The following C1orf116 variants were observed in gnomAD, a reference collection of about 807,000 sequenced individuals.
C1orf116 encodes specifically androgen-regulated gene protein.
Under a neutral mutation model 14.1 loss-of-function variants are expected in C1orf116, and 12 were observed. The observed-to-expected ratio is 0.85, with a 90% confidence interval of 0.54 to 1.38. The LOEUF (loss-of-function observed/expected upper bound fraction) is 1.38. C1orf116 is among the 40% of genes most tolerant of loss of function. C1orf116 has a pLI of 0.00. For synonymous variants in C1orf116, 296 were observed against 299.0 expected (o/e 0.99, Z 0.10); for missense variants, 797 against 747.0 (o/e 1.07, Z -0.78).
At chr1:207,025,207 G>C in intron 2 of C1orf116, 143 bp from the exon 3 acceptor site, 1 of 639,008 alleles carries the variant, frequency 1.6e-6, no homozygotes, top group Non-Finnish European at 2.7e-6. Flanking sequence ...AGAGAGGAAG[G>C]AATGCTGAAG....
rs12049200 is a variant in C1orf116, at chr1:207,020,259, A to C, written c.*1699T>G. ...AACGTACACAGAAACCGCCACACCC[A>C]CACCTCACATACCATGACAGGGTGG... On this transcript the variant is annotated 3_prime_UTR_variant, in exon 4 of 4. Transcript: ENST00000359470. 6.6e-6 allele frequency: 1 copy of C among 152,334 alleles called. No individual in the cohort carries two copies. Among genetic ancestry groups the C allele is most frequent in the East Asian group, 1.9e-4 (1 of 5,186 alleles). 9.4% of individuals were successfully genotyped at this position (152,334 alleles called of 1,614,324 possible).
Position 207,023,273 on chromosome 1 carries a change from A to T in C1orf116, c.491T>A (p.Leu164His). ...SSHNPGEPGRLAPEPEKEQVS... is the reference protein window; with the variant it reads ...SSHNPGEPGRHAPEPEKEQVS... ...CTGTTCTTTCTCAGGCTCTGGCGCAAGCCTCCCCGGTTCTCCAGGGTTGTG... is the reference window on the plus strand; with the variant it reads ...CTGTTCTTTCTCAGGCTCTGGCGCATGCCTCCCCGGTTCTCCAGGGTTGTG... The change falls in exon 4 of 4, where the codon CTT becomes CAT. Residue 164 changes from leucine (L) to histidine (H), a missense_variant. Coordinates refer to ENST00000359470, the MANE Select transcript of C1orf116 (RefSeq NM_023938.6). The T allele has an allele frequency of 6.2e-7, 1 of 1,613,982 alleles. No individual in the cohort carries two copies. The highest frequency in any genetic ancestry group is 8.5e-7 in the Non-Finnish European group (1 of 1,179,894).
intron 3 of C1orf116, among the ~76,000 whole-genome samples, chr1:207,023,740 G>C (rs11120073): frequency 0.041 from 6,203 of 152,274 alleles, 403 homozygotes; most frequent in African/African-American, 0.14. Context: ...ACTTTGGGAG[G>C]CCAAAGCAAG....
At chr1:207,026,923 T>C (rs1161937161) in intron 2 of C1orf116, among the ~76,000 whole-genome samples, 1 of 152,246 alleles carries the variant, frequency 6.6e-6, no homozygotes, top group Non-Finnish European at 1.5e-5. Flanking sequence ...ATATGCTAGG[T>C]GCTTTACCTG....
In C1orf116 at chr1:207,021,844, A is replaced by T. The variant is rs1281748886; in HGVS notation, c.*114T>A. ...GAATATAAATGTATGCTTGGACTCAAATCTCTCCCTCCCATTCATCTTGAG... is the reference window on the plus strand; with the variant it reads ...GAATATAAATGTATGCTTGGACTCATATCTCTCCCTCCCATTCATCTTGAG... On this transcript the variant is annotated 3_prime_UTR_variant, in exon 4 of 4. Transcript: ENST00000359470. The T allele has an allele frequency of 3.7e-6, 4 of 1,082,098 alleles. No homozygotes were observed. In the East Asian group the frequency reaches 9.9e-5, roughly 27 times the overall value. 67.0% of individuals were successfully genotyped at this position (1,082,098 alleles called of 1,614,324 possible).
chr1:207,027,760 A>G (rs1682127303), intron 1 of C1orf116, 81 bp from the exon 2 acceptor site: 1 of 1,402,058 alleles, frequency 7.1e-7, no homozygotes. Flanking sequence ...CATGGCGGGA[A>G]GGACACCAAG....
In C1orf116 at chr1:207,024,951, C is replaced by G; in HGVS notation, c.219G>C (p.Glu73Asp). ...CTCTGGGAGTTGTGGCTGGCTCAGA[C>G]TCGTCAGTGGACAGTCCGCTGTCAG... ...TEADSGLSTD[E>D]SEPATTPRGF... is the part of the protein sequence containing the mutation. The change falls in exon 3 of 4, where the codon GAG (glutamate) becomes GAC (aspartate). Residue 73 changes from glutamate (E) to aspartate (D), a missense_variant. Coordinates refer to ENST00000359470, the MANE Select transcript of C1orf116 (RefSeq NM_023938.6). The G allele has an allele frequency of 6.2e-7, 1 of 1,614,102 alleles. No homozygotes were observed. The highest frequency in any genetic ancestry group is 8.5e-7 in the Non-Finnish European group (1 of 1,180,010).
chr1:207,028,780 T>G (rs1334835034), intron 1 of C1orf116, among the ~76,000 whole-genome samples: 1 of 152,194 alleles, frequency 6.6e-6, no homozygotes, highest in Non-Finnish European at 1.5e-5. Context: ...AGGCCAGAAG[T>G]GAGTCTGCTA....
At position 207,019,563 on chromosome 1, in the gene C1orf116, C is replaced by T. The variant is rs566801900; in HGVS notation, c.*2395G>A. 1 of 152,230 alleles carries T rather than the reference C, an allele frequency of 6.6e-6. No individual in the cohort carries two copies. Among genetic ancestry groups the T allele is most frequent in the African/African-American group, 2.4e-5 (1 of 41,454 alleles). 9.4% of individuals were successfully genotyped at this position (152,230 alleles called of 1,614,324 possible). Reference sequence around the variant, plus strand: ...ATACAATGACCTCAGCTCTGTCTAGCACCACTTTCAGGGAGGCGGATGTCC... The same window carrying T: ...ATACAATGACCTCAGCTCTGTCTAGTACCACTTTCAGGGAGGCGGATGTCC... On this transcript the variant is annotated 3_prime_UTR_variant, in exon 4 of 4. Coordinates refer to ENST00000359470, the MANE Select transcript of C1orf116 (RefSeq NM_023938.6).
chr1:207,021,395 ACGAATCAG>A lies in C1orf116; in HGVS notation c.*555_*562del, dbSNP rs1468903886. 1 of 152,612 alleles carries A rather than the reference ACGAATCAG, an allele frequency of 6.6e-6. No homozygotes were observed. Among genetic ancestry groups the A allele is most frequent in the East Asian group, 1.9e-4 (1 of 5,196 alleles). 9.5% of individuals were successfully genotyped at this position (152,612 alleles called of 1,614,324 possible). On this transcript the variant is annotated 3_prime_UTR_variant, in exon 4 of 4. Coordinates refer to ENST00000359470, the MANE Select transcript of C1orf116 (RefSeq NM_023938.6). ...TGAGAGGGCAGTGGGTGAAGAGATA[ACGAATCAG>A]CTCCTCTTAGCCCAGGCCTTGTCCA...
chr1:207,023,551 G>C (rs191886109), intron 3 of C1orf116, 71 bp from the exon 4 acceptor site: 14 of 1,502,182 alleles, frequency 9.3e-6, no homozygotes, highest in Non-Finnish European at 1.2e-5. Flanking sequence ...CCCTGCTGCA[G>C]AGGGGAAAGC....
At position 207,022,876 on chromosome 1, in the gene C1orf116, A is replaced by C. The variant is rs1206489634; in HGVS notation, c.888T>G (p.Pro296=). 6.2e-6 allele frequency: 10 copies of C among 1,614,012 alleles called. No individual in the cohort carries two copies. Among genetic ancestry groups the C allele is most frequent in the Non-Finnish European group, 8.5e-6 (10 of 1,179,968 alleles). Residue 296 remains proline (P), a synonymous_variant, in exon 4 of 4, where the codon CCT becomes CCG. Coordinates refer to ENST00000359470, the MANE Select transcript of C1orf116 (RefSeq NM_023938.6). ...PNSRLAPLTT[P]KPRKLPPNIV... ...TATTAGGTGGCAGCTTCCGGGGCTTAGGGGTTGTGAGGGGAGCTAGTCGGC... is the reference window on the plus strand; with the variant it reads ...TATTAGGTGGCAGCTTCCGGGGCTTCGGGGTTGTGAGGGGAGCTAGTCGGC...
intron 1 of C1orf116, among the ~76,000 whole-genome samples, chr1:207,030,696 C>G (rs1682217891): frequency 6.6e-6 from 1 of 152,154 alleles, no homozygotes. Context: ...AACCTTGGGG[C>G]TCTTTCAGGG....
intron 1 of C1orf116, 110 bp from the exon 2 acceptor site, chr1:207,027,789 G>C (rs544919915): frequency 4.7e-6 from 6 of 1,281,250 alleles, no homozygotes; most frequent in Admixed American, 5.6e-5. Flanking sequence ...GAGCTGGAAG[G>C]GGGGCATGAA....
chr1:207,025,175 C>A (rs961097575), intron 2 of C1orf116, 111 bp from the exon 3 acceptor site: 7 of 830,524 alleles, frequency 8.4e-6, no homozygotes, highest in Admixed American at 4.4e-5. Flanking sequence ...CAGAAACTGG[C>A]GGGGCCTGAG....
In C1orf116 at chr1:207,022,135, C is replaced by G. The variant is rs750797181; in HGVS notation, c.1629G>C (p.Gln543His). The G allele has an allele frequency of 5.0e-6, 8 of 1,612,736 alleles. No homozygotes were observed. Among genetic ancestry groups the G allele is most frequent in the Non-Finnish European group, 5.9e-6 (7 of 1,178,974 alleles). The change falls in exon 4 of 4, where the codon CAG becomes CAC. Residue 543 changes from glutamine to histidine, a missense_variant. Transcript: ENST00000359470. Reference protein sequence around the residue: ...LGTGKDFAGIQVGKLADLEQE... With the variant: ...LGTGKDFAGIHVGKLADLEQE... ...GCTCCAGGTCAGCCAGCTTGCCTACCTGGATACCTGCAAAATCTTTCCCCG... is the reference window on the plus strand; with the variant it reads ...GCTCCAGGTCAGCCAGCTTGCCTACGTGGATACCTGCAAAATCTTTCCCCG...
rs759650158 is a variant in C1orf116, at chr1:207,027,540, C to T, written c.59G>A (p.Gly20Asp). Reference protein sequence around the residue: ...GTGSEPVTRVGSCDSMMSSTS... With the variant: ...GTGSEPVTRVDSCDSMMSSTS... ...GCTGCTCATCATGCTGTCACAGCTG[C>T]CGACACGGGTCACGGGTTCTGAGCC... is the stretch of plus-strand genomic sequence containing the variant. Residue 20 changes from glycine to aspartate, a missense_variant, in exon 2 of 4, where the codon GGC becomes GAC. Coordinates refer to ENST00000359470, the MANE Select transcript of C1orf116 (RefSeq NM_023938.6). 1 of 1,613,842 alleles carries T rather than the reference C, an allele frequency of 6.2e-7. No individual in the cohort carries two copies. The highest frequency in any genetic ancestry group is 2.2e-5 in the East Asian group (1 of 44,884).
chr1:207,032,525 A>C, intron 1 of C1orf116, 54 bp downstream of exon 1: 1 of 979,780 alleles, frequency 1.0e-6, no homozygotes, highest in Non-Finnish European at 1.2e-6. Context: ...ATTTCCCATG[A>C]AACCCCTTCC....
intron 3 of C1orf116, among the ~76,000 whole-genome samples, chr1:207,023,882 C>T (rs954517406): frequency 1.2e-4 from 18 of 152,262 alleles, no homozygotes; most frequent in Admixed American, 5.2e-4. Flanking sequence ...GAGAGTGACC[C>T]CTGATTGCTC....
Sources: allele counts gnomAD v4.1 joint callset (sites outside exome capture counted in the v4.1 genomes callset), GRCh38; gene constraint gnomAD v4.1.1; transcripts MANE v1.5; gene names NCBI Gene and HGNC (gene_info 2026-07-23, HGNC 2026-07-21).